The following KIF26B variants were observed in gnomAD, a reference collection of about 807,000 sequenced individuals.
KIF26B encodes kinesin family member 26B, also known as kinesin-like protein KIF26B.
A neutral mutation model predicts 151.2 loss-of-function variants in KIF26B; 63 were observed. The ratio of observed to expected loss-of-function variants is 0.42; its 90% CI spans 0.34 to 0.51. The LOEUF (loss-of-function observed/expected upper bound fraction) is 0.51. KIF26B is among the 20% of genes least tolerant of loss of function. KIF26B has a pLI of 0.07. For missense variants in KIF26B, 2,813 were observed against 2,913.6 expected, an observed-to-expected ratio of 0.97 and a Z score of 0.79; for synonymous variants, 1,357 against 1,262.1, an observed-to-expected ratio of 1.08 and a Z score of -1.59.
intron 2 of KIF26B, among the ~76,000 whole-genome samples, chr1:245,176,789 G>T (rs73125054): frequency 0.094 from 14,226 of 152,068 alleles, 856 homozygotes; most frequent in African/African-American, 0.17. Context: ...GACTTTTAAC[G>T]GTCATGTTTA....
At chr1:245,694,068 G>A (rs572205519) in intron 12 of KIF26B, among the ~76,000 whole-genome samples, 1 of 152,340 alleles carries the variant, frequency 6.6e-6, no homozygotes, top group African/African-American at 2.4e-5. Flanking sequence ...GTGGTCCTAG[G>A]TGCGGGGTTC....
intron 2 of KIF26B, among the ~76,000 whole-genome samples, chr1:245,161,976 G>C (rs186864882): frequency 1.2e-4 from 19 of 152,242 alleles, no homozygotes; most frequent in African/African-American, 4.1e-4. Flanking sequence ...TGCAAGGGGC[G>C]GGGGGAAGGA....
chr1:245,659,106 C>T (rs549561557), intron 10 of KIF26B, among the ~76,000 whole-genome samples: 5 of 152,048 alleles, frequency 3.3e-5, no homozygotes, highest in Admixed American at 2.6e-4. Context: ...TGCATAGTGG[C>T]GTGTGCCTGT....
chr1:245,680,888 T>C (rs1293380812), intron 10 of KIF26B, among the ~76,000 whole-genome samples: 2 of 151,858 alleles, frequency 1.3e-5, no homozygotes, highest in Non-Finnish European at 2.9e-5. Flanking sequence ...ATCGTGCACA[T>C]GTGTCCTTTT....
chr1:245,646,614 T>C (rs531158105), intron 10 of KIF26B, among the ~76,000 whole-genome samples: 2 of 152,090 alleles, frequency 1.3e-5, no homozygotes, highest in Admixed American at 1.3e-4. Context: ...GTGATGAGAG[T>C]GAGGGGTGGA....
At chr1:245,182,160 A>G (rs1443177706) in intron 2 of KIF26B, among the ~76,000 whole-genome samples, 1 of 152,192 alleles carries the variant, frequency 6.6e-6, no homozygotes, top group East Asian at 1.9e-4. Flanking sequence ...GTCTGCAGCC[A>G]TCATCACTAT....
At chr1:245,346,331 C>G (rs764909788) in intron 2 of KIF26B, among the ~76,000 whole-genome samples, 3 of 152,190 alleles carry the variant, frequency 2.0e-5, no homozygotes, top group Non-Finnish European at 4.4e-5. Context: ...TCCTCTCAAG[C>G]CACATCTGCT....
rs575781091 is a variant in KIF26B, at chr1:245,703,783, C to G, written c.*1177C>G. On this transcript the variant is annotated 3_prime_UTR_variant, in exon 15 of 15. Transcript: ENST00000407071. ...TGGATTAGAAGAAGGATTCTTGAGA[C>G]TGTACATCTTGTCTGTTGTCCAGAG... is the stretch of plus-strand genomic sequence containing the variant. 6.6e-6 allele frequency: 1 copy of G among 152,308 alleles called. No individual in the cohort carries two copies. Among genetic ancestry groups the G allele is most frequent in the South Asian group, 2.1e-4 (1 of 4,818 alleles). 9.4% of individuals were successfully genotyped at this position (152,308 alleles called of 1,614,324 possible). A position where few individuals can be genotyped will look rare whatever the true frequency, so the allele number is the denominator to read the frequency against.
intron 5 of KIF26B, among the ~76,000 whole-genome samples, chr1:245,556,403 T>G (rs1023804418): frequency 6.7e-6 from 1 of 148,558 alleles, no homozygotes; most frequent in Admixed American, 6.6e-5. Context: ...TCTTTCTTCT[T>G]TCTTCTTCTT....
rs921107109 is a variant in KIF26B, at chr1:245,495,640, T to C, written c.1167-45127T>C. ...ATAGTTTGGTATCCATTAATGAACCTCTCCCCATCCACCTCTCCTTCCTAC... is the reference window on the plus strand; with the variant it reads ...ATAGTTTGGTATCCATTAATGAACCCCTCCCCATCCACCTCTCCTTCCTAC... On this transcript the variant is annotated intron_variant, in intron 4 of 14. Coordinates refer to ENST00000407071, the MANE Select transcript of KIF26B (RefSeq NM_018012.4). This position sits in a 1 kb window ranked among gnomAD's most constrained non-coding sequence, Gnocchi z 4.2. 6.6e-5 allele frequency among the ~76,000 whole-genome samples: 10 copies of C among 152,182 alleles called. No individual in the cohort carries two copies. Among genetic ancestry groups the C allele is most frequent in the Admixed American group, 1.3e-4 (2 of 15,272 alleles).
chr1:245,510,833 G>C (rs896970237), intron 4 of KIF26B, among the ~76,000 whole-genome samples: 2 of 152,196 alleles, frequency 1.3e-5, no homozygotes, highest in Non-Finnish European at 2.9e-5. Context: ...CAGGGGCTGA[G>C]CTGCACTGGG....
At chr1:245,186,165 G>A (rs1390967911) in intron 2 of KIF26B, among the ~76,000 whole-genome samples, 3 of 151,868 alleles carry the variant, frequency 2.0e-5, no homozygotes, top group East Asian at 2.0e-4. Flanking sequence ...GGGCCACTGC[G>A]CCTGGCCCTA....
In KIF26B at chr1:245,536,188, C is replaced by T. The variant is rs147616468; in HGVS notation, c.1167-4579C>T. ...AATGGGGGTAATATTGTTCTCCTCA[C>T]GAGGGCTTCTGAGATTCAAAAAAAT... On this transcript the variant is annotated intron_variant, in intron 4 of 14. Transcript: ENST00000407071. Among the ~76,000 whole-genome samples the T allele has an allele frequency of 2.2e-3, 342 of 152,232 alleles. 2 individuals are homozygous for T. The highest frequency in any genetic ancestry group is 7.8e-3 in the African/African-American group (323 of 41,556).
chr1:245,537,667 C>A (rs1405377665), intron 4 of KIF26B, among the ~76,000 whole-genome samples: 1 of 152,126 alleles, frequency 6.6e-6, no homozygotes, highest in Non-Finnish European at 1.5e-5. Context: ...GAGAAGAAGA[C>A]AGGTCAGCAT....
intron 3 of KIF26B, among the ~76,000 whole-genome samples, chr1:245,378,667 T>C (rs1673331999): frequency 6.6e-6 from 1 of 152,154 alleles, no homozygotes; most frequent in Admixed American, 6.6e-5. Flanking sequence ...CAGCTACTGC[T>C]TTTTTTCATT....
chr1:245,171,799 T>C (rs577442375), intron 2 of KIF26B, among the ~76,000 whole-genome samples: 8 of 152,218 alleles, frequency 5.3e-5, no homozygotes, highest in Non-Finnish European at 1.2e-4. Context: ...TATATTTTGC[T>C]CTGCCGCATA....
intron 2 of KIF26B, among the ~76,000 whole-genome samples, chr1:245,328,105 G>A (rs561519120): frequency 1.3e-5 from 2 of 149,764 alleles, no homozygotes; most frequent in Admixed American, 6.6e-5. Flanking sequence ...GGAGGTCTCC[G>A]AATGAACTGC....
In KIF26B at chr1:245,600,194, A is replaced by G. The variant is rs537436511; in HGVS notation, c.1351-2383A>G. Among the ~76,000 whole-genome samples, 4 of 119,280 alleles carry G rather than the reference A, an allele frequency of 3.4e-5. 1 individual carries two copies. The highest frequency in any genetic ancestry group is 5.1e-4 in the East Asian group (2 of 3,910). 78.3% of individuals were successfully genotyped at this position (119,280 alleles called of 152,430 possible). On this transcript the variant is annotated intron_variant, in intron 5 of 14. Transcript: ENST00000407071. ...GCTGGGACTACAGGCGCCCGCCACCATGCCCGGCTAATTTTTTGTATTTTT... is the reference window on the plus strand; with the variant it reads ...GCTGGGACTACAGGCGCCCGCCACCGTGCCCGGCTAATTTTTTGTATTTTT...
intron 2 of KIF26B, among the ~76,000 whole-genome samples, chr1:245,322,343 C>T (rs1247276399): frequency 2.0e-5 from 3 of 152,112 alleles, no homozygotes; most frequent in Non-Finnish European, 4.4e-5. Flanking sequence ...ACCTATGTAA[C>T]AAACCTGCAT....
Sources: allele counts gnomAD v4.1 joint callset (sites outside exome capture counted in the v4.1 genomes callset), GRCh38; gene constraint gnomAD v4.1.1; non-coding constraint Gnocchi (gnomAD v3.1); transcripts MANE v1.5; gene names NCBI Gene and HGNC (gene_info 2026-07-23, HGNC 2026-07-21).